Variants in SAMSN1 observed in about 807,000 individuals in gnomAD.
The protein encoded by SAMSN1 is SAM domain, SH3 domain and nuclear localization signals 1, also known as SAM domain-containing protein SAMSN-1.
A neutral mutation model predicts 42.0 loss-of-function variants in SAMSN1; 31 were observed. The observed-to-expected ratio is 0.74, with a 90% CI of 0.55 to 1.00. The LOEUF is 1.00. SAMSN1 is among the 50% of genes least tolerant of loss of function. The pLI, the probability that SAMSN1 is intolerant of heterozygous loss-of-function variation, is 0.00. For synonymous variants in SAMSN1, 178 were observed against 151.9 expected, an observed-to-expected ratio of 1.17 and a Z score of -1.26; for missense variants, 464 against 439.4, an observed-to-expected ratio of 1.06 and a Z score of -0.50.
At chr21:14,572,818 G>T (rs1448739167) in intron 2 of SAMSN1, among the ~76,000 whole-genome samples, 1 of 152,262 alleles carries the variant, frequency 6.6e-6, no homozygotes, top group East Asian at 1.9e-4. Context: ...GTAAAGGTAA[G>T]TTACTAGCCT....
In SAMSN1 at chr21:14,581,344, C is replaced by CTTTTTTTTTTTTTTTTTTTTTTTT. The variant is rs56728511; in HGVS notation, c.261+768_261+791dup. On this transcript the variant is annotated intron_variant, in intron 2 of 8. Transcript: ENST00000285670. Reference sequence around the variant, plus strand: ...TGTAAAATGAGGGGAAATAATATTTCTTTTTTTTTTTTTTTTTTTTTTTTT... The same window carrying CTTTTTTTTTTTTTTTTTTTTTTTT: ...TGTAAAATGAGGGGAAATAATATTTCTTTTTTTTTTTTTTTTTTTTTTTTTTTTTTTTTTTTTTTTTTTTTTTTT... Among the ~76,000 whole-genome samples the CTTTTTTTTTTTTTTTTTTTTTTTT allele has an allele frequency of 5.2e-4, 17 of 32,592 alleles. 8 individuals carry two copies. Among genetic ancestry groups the CTTTTTTTTTTTTTTTTTTTTTTTT allele is most frequent in the African/African-American group, 6.1e-4 (6 of 9,770 alleles). The allele number at this position is 32,592 out of a possible 152,430, so 21.4% of individuals were successfully genotyped here. A position where few individuals can be genotyped will look rare whatever the true frequency, so the allele number is the denominator to read the frequency against.
chr21:14,640,387 G>C (rs1326965557), intron 2 of SAMSN1, among the ~76,000 whole-genome samples: 1 of 152,096 alleles, frequency 6.6e-6, no homozygotes, highest in Non-Finnish European at 1.5e-5. Flanking sequence ...TTGAGGACTG[G>C]AAGCTTGAGC....
In SAMSN1 at chr21:14,533,887, A is replaced by C. The variant is rs114837297; in HGVS notation, c.57+12318T>G. Among the ~76,000 whole-genome samples the C allele has an allele frequency of 3.9e-3, 600 of 152,350 alleles. 3 individuals carry two copies. The highest frequency in any genetic ancestry group is 0.013 in the African/African-American group (544 of 41,578). ...GACATGAAGTTCTTCTCCTAGCCTT[A>C]GGTACACATCTCACCTAAGAGAAGT... is the stretch of plus-strand genomic sequence containing the variant. On this transcript the variant is annotated intron_variant, in intron 1 of 7. Coordinates refer to ENST00000400566, the MANE Select transcript of SAMSN1 (RefSeq NM_022136.5).
intron 5 of SAMSN1, among the ~76,000 whole-genome samples, chr21:14,502,312 G>T (rs1487469290): frequency 1.3e-5 from 2 of 152,122 alleles, no homozygotes; most frequent in African/African-American, 4.8e-5. Flanking sequence ...ATCAGCTAGG[G>T]AGACTGAGAA....
chr21:14,618,683 TGTGTGTGTGCGC>T (rs779249361), intron 2 of SAMSN1, among the ~76,000 whole-genome samples: 7 of 74,540 alleles, frequency 9.4e-5, no homozygotes, highest in Non-Finnish European at 1.5e-4. Context: ...TGTGTGTGTG[TGTGTGTGTGCGC>T]GCGCGCGCAC....
rs529535900 is a variant in SAMSN1, at chr21:14,590,786, A to T, written c.465+3227T>A. Among the ~76,000 whole-genome samples the T allele has an allele frequency of 7.2e-4, 110 of 152,332 alleles. No individual in the cohort carries two copies. The Middle Eastern group carries it at 0.017, about 24-fold the overall frequency. On this transcript the variant is annotated intron_variant, in intron 7 of 15. Coordinates refer to the SAMSN1 transcript ENST00000647101. Reference sequence around the variant, plus strand: ...AAGAAGAGGTTTTAAATGTTGAATTATTAAACCCCTAAATCTATATCTTCA... The same window carrying T: ...AAGAAGAGGTTTTAAATGTTGAATTTTTAAACCCCTAAATCTATATCTTCA...
At chr21:14,544,396 C>A (rs1435047911) in intron 1 of SAMSN1, among the ~76,000 whole-genome samples, 2 of 152,074 alleles carry the variant, frequency 1.3e-5, no homozygotes, top group Non-Finnish European at 2.9e-5. Context: ...AATTACCCAC[C>A]AAAATAAATG....
At chr21:14,583,580 G>T, upstream of SAMSN1, 3 of 667,996 alleles carry the variant, frequency 4.5e-6, no homozygotes, top group Non-Finnish European at 8.2e-6. Context: ...ATCAAAATGG[G>T]CTTCATTAAC....
chr21:14,522,887 C>T (rs1028099317), intron 1 of SAMSN1, among the ~76,000 whole-genome samples: 5 of 152,284 alleles, frequency 3.3e-5, no homozygotes, highest in East Asian at 1.9e-4. Flanking sequence ...GCTGCTCCAA[C>T]GCAGGGCACA....
At chr21:14,657,555 C>T (rs1411559464) in intron 1 of SAMSN1, among the ~76,000 whole-genome samples, 2 of 151,932 alleles carry the variant, frequency 1.3e-5, no homozygotes, top group Middle Eastern at 3.4e-3. Context: ...TATTACCATT[C>T]AAAATGATTT....
intron 1 of SAMSN1, among the ~76,000 whole-genome samples, chr21:14,646,243 A>G (rs1387682268): frequency 6.6e-6 from 1 of 152,208 alleles, no homozygotes; most frequent in Non-Finnish European, 1.5e-5. Context: ...ACTATCAAGG[A>G]TAAAGAAAGA....
chr21:14,505,754 C>A (rs59196713), intron 5 of SAMSN1, among the ~76,000 whole-genome samples: 8,741 of 152,190 alleles, frequency 0.057, 771 homozygotes, highest in African/African-American at 0.19. Context: ...ATAGACTTAA[C>A]AGATACATAC....
At chr21:14,490,240 A>G (rs1242306026) in intron 7 of SAMSN1, among the ~76,000 whole-genome samples, 1 of 152,164 alleles carries the variant, frequency 6.6e-6, no homozygotes, top group African/African-American at 2.4e-5. Flanking sequence ...AATAAACACA[A>G]TGATATTTAG....
chr21:14,648,505 T>G (rs1193027352), intron 1 of SAMSN1, among the ~76,000 whole-genome samples: 1 of 152,152 alleles, frequency 6.6e-6, no homozygotes, highest in Non-Finnish European at 1.5e-5. Context: ...GGAGAAAATT[T>G]TCACAACCTA....
intron 2 of SAMSN1, among the ~76,000 whole-genome samples, chr21:14,633,620 G>C (rs1244579445): frequency 6.6e-6 from 1 of 152,186 alleles, no homozygotes; most frequent in Non-Finnish European, 1.5e-5. Flanking sequence ...GATTATAGTA[G>C]AGGAAAATCT....
chr21:14,632,317 G>C (rs148501434), intron 2 of SAMSN1, among the ~76,000 whole-genome samples: 1 of 152,008 alleles, frequency 6.6e-6, no homozygotes, highest in Non-Finnish European at 1.5e-5. Flanking sequence ...ATAACCTGTA[G>C]TATATTCCTT....
chr21:14,530,316 C>CA (rs71183428), intron 1 of SAMSN1, among the ~76,000 whole-genome samples: 36,034 of 75,174 alleles, frequency 0.48, 8,344 homozygotes, highest in East Asian at 0.62. Context: ...GACTCCGTCT[C>CA]AAAAAAAAAA....
intron 2 of SAMSN1, among the ~76,000 whole-genome samples, chr21:14,568,533 A>G (rs1442487597): frequency 6.6e-6 from 1 of 152,210 alleles, no homozygotes; most frequent in Admixed American, 6.5e-5. Context: ...AATATAATCC[A>G]CAAGTACTCT....
intron 2 of SAMSN1, chr21:14,619,634 AT>A: frequency 3.2e-6 from 1 of 311,472 alleles, no homozygotes. Flanking sequence ...GGGAGAAAAG[AT>A]TTATTTCCTC....
Sources: allele counts gnomAD v4.1 joint callset (sites outside exome capture counted in the v4.1 genomes callset), GRCh38; gene constraint gnomAD v4.1.1; transcripts MANE v1.5; gene names NCBI Gene and HGNC (gene_info 2026-07-23, HGNC 2026-07-21).